The following SLIT3 variants were observed in gnomAD, a reference collection of about 807,000 sequenced individuals.
SLIT3 encodes slit guidance ligand 3.
A neutral mutation model predicts 184.0 loss-of-function variants in SLIT3; 68 were observed. The ratio of observed to expected loss-of-function variants is 0.37; its 90% confidence interval spans 0.30 to 0.45. The LOEUF (loss-of-function observed/expected upper bound fraction) is 0.45. SLIT3 is among the 20% of genes least tolerant of loss of function. The pLI is 1.00. For missense variants in SLIT3, 1,707 were observed against 2,026.0 expected (o/e 0.84, Z 3.02); for synonymous variants, 831 against 828.6 (o/e 1.00, Z -0.05).
At chr5:168,724,628 C>A in intron 20 of SLIT3, 144 bp from the exon 21 acceptor site, 1 of 501,374 alleles carries the variant, frequency 2.0e-6, no homozygotes. Flanking sequence ...CAAAGCATTA[C>A]TATATTTGTC....
chr5:168,684,864 A>C (rs1436052628), intron 31 of SLIT3, among the ~76,000 whole-genome samples: 1 of 152,248 alleles, frequency 6.6e-6, no homozygotes, highest in East Asian at 1.9e-4. Context: ...GGAATTAAAA[A>C]AAAAATTCCA....
intron 23 of SLIT3, among the ~76,000 whole-genome samples, chr5:168,713,883 G>T (rs1387413290): frequency 2.0e-5 from 3 of 152,194 alleles, no homozygotes; most frequent in Non-Finnish European, 4.4e-5. Context: ...TGATGCTGAC[G>T]CCAGTAGCAA....
At chr5:169,012,759 TTG>T (rs1293835771) in intron 4 of SLIT3, 1 of 152,124 alleles carries the variant, frequency 6.6e-6, no homozygotes, top group Non-Finnish European at 1.5e-5. Flanking sequence ...CTCTTCCCAT[TTG>T]TCTTATGATG....
At chr5:169,125,674 C>T (rs1761052921) in intron 4 of SLIT3, among the ~76,000 whole-genome samples, 2 of 152,290 alleles carry the variant, frequency 1.3e-5, no homozygotes, top group African/African-American at 4.8e-5. Context: ...GCTTGTTCTG[C>T]ACCCCTCTCC....
In SLIT3 at chr5:169,139,559, A is replaced by G. The variant is rs575821391; in HGVS notation, c.413+53920T>C. Among the ~76,000 whole-genome samples the G allele has an allele frequency of 1.4e-3, 219 of 152,256 alleles. 1 individual carries two copies. Among genetic ancestry groups the G allele is most frequent in the African/African-American group, 4.8e-3 (201 of 41,544 alleles). Reference sequence around the variant, plus strand: ...GATCCCAGCCCCACACTCAGCTACTAAGCTCTACTCCTTCCAGCACTAGCC... The same window carrying G: ...GATCCCAGCCCCACACTCAGCTACTGAGCTCTACTCCTTCCAGCACTAGCC... On this transcript the variant is annotated intron_variant, in intron 4 of 35. Transcript: ENST00000519560.
chr5:168,842,482 TTTTTTG>T (rs1365425474), intron 6 of SLIT3, among the ~76,000 whole-genome samples: 1 of 147,640 alleles, frequency 6.8e-6, no homozygotes, highest in African/African-American at 2.6e-5. Context: ...TTTTTTTTTT[TTTTTTG>T]TATCTGAGTA....
intron 35 of SLIT3, 158 bp from the exon 36 acceptor site, chr5:168,666,847 A>G (rs1169626848): frequency 4.8e-6 from 6 of 1,247,094 alleles, no homozygotes; most frequent in Non-Finnish European, 6.8e-6. Context: ...CCACCCATCT[A>G]TTTTACAAAC....
chr5:169,150,674 G>A (rs1211140515), intron 4 of SLIT3, among the ~76,000 whole-genome samples: 1 of 152,160 alleles, frequency 6.6e-6, no homozygotes, highest in Non-Finnish European at 1.5e-5. Context: ...TGACTTAAGA[G>A]TCAGGTAAAC....
chr5:168,762,243 C>T (rs1212191864), intron 15 of SLIT3, among the ~76,000 whole-genome samples: 6 of 152,332 alleles, frequency 3.9e-5, no homozygotes, highest in Admixed American at 2.6e-4. Flanking sequence ...TAAGGGTTGG[C>T]AGGGACTACC....
At chr5:168,938,252 CA>C (rs1331261853) in intron 4 of SLIT3, among the ~76,000 whole-genome samples, 2 of 152,058 alleles carry the variant, frequency 1.3e-5, no homozygotes, top group Admixed American at 1.3e-4. Context: ...CCATCCCCAC[CA>C]AAAAAATCCT....
chr5:168,837,898 G>A (rs147782564), intron 6 of SLIT3, among the ~76,000 whole-genome samples: 72 of 152,312 alleles, frequency 4.7e-4, no homozygotes, highest in Middle Eastern at 3.4e-3. Flanking sequence ...TGGTAAAGAT[G>A]AGCTGGAAGC....
chr5:169,097,771 A>G (rs760207039), intron 4 of SLIT3, among the ~76,000 whole-genome samples: 1 of 152,174 alleles, frequency 6.6e-6, no homozygotes, highest in South Asian at 2.1e-4. Flanking sequence ...GCCCCCCACC[A>G]CCCTGCAAAA....
At chr5:169,159,463 A>G (rs1210370536) in intron 4 of SLIT3, among the ~76,000 whole-genome samples, 1 of 150,688 alleles carries the variant, frequency 6.6e-6, no homozygotes, top group East Asian at 2.0e-4. Context: ...AAAAACAGAG[A>G]CTGGTAGATT....
chr5:169,104,186 G>A (rs540111672), intron 4 of SLIT3, among the ~76,000 whole-genome samples: 25 of 152,328 alleles, frequency 1.6e-4, no homozygotes, highest in African/African-American at 6.0e-4. Flanking sequence ...TTGATCTGAA[G>A]GTGGGTCCCT....
rs186054530 is a variant in SLIT3 at position 169,256,231 on chromosome 5, G to T, written c.198-4772C>A. On this transcript the variant is annotated intron_variant, in intron 1 of 35. Transcript: ENST00000519560. ...GGAGGCTGAGGTAGGAGGATTGCTTGAGCAATCCAGGAGTTCAAGACTGGA... is the reference window on the plus strand; with the variant it reads ...GGAGGCTGAGGTAGGAGGATTGCTTTAGCAATCCAGGAGTTCAAGACTGGA... Among the ~76,000 whole-genome samples, 735 of 152,252 alleles carry T rather than the reference G, an allele frequency of 4.8e-3. 3 individuals carry two copies. Among genetic ancestry groups the T allele is most frequent in the Middle Eastern group, 0.02 (6 of 294 alleles).
At chr5:169,163,937 C>T (rs1489193022) in intron 4 of SLIT3, among the ~76,000 whole-genome samples, 1 of 152,086 alleles carries the variant, frequency 6.6e-6, no homozygotes, top group Admixed American at 6.6e-5. Flanking sequence ...GCTTGCGGGC[C>T]CCCAGTGAGA....
chr5:169,059,972 C>A (rs1174952525), intron 4 of SLIT3, among the ~76,000 whole-genome samples: 3 of 152,226 alleles, frequency 2.0e-5, no homozygotes, highest in Admixed American at 6.5e-5. Flanking sequence ...CTAGAGAGCT[C>A]TTTCATCCTT....
intron 4 of SLIT3, among the ~76,000 whole-genome samples, chr5:169,128,844 G>A (rs1761179649): frequency 6.6e-6 from 1 of 152,086 alleles, no homozygotes; most frequent in Non-Finnish European, 1.5e-5. Flanking sequence ...AGTTCTCTCT[G>A]GTGACAGCAT....
intron 4 of SLIT3, among the ~76,000 whole-genome samples, chr5:169,166,174 G>A (rs569357184): frequency 6.6e-6 from 1 of 151,964 alleles, no homozygotes; most frequent in South Asian, 2.1e-4. Context: ...CTCCTCTTCT[G>A]GGGTCACTGC....
Sources: gnomAD v4.1 joint callset for allele counts (sites outside exome capture counted in the v4.1 genomes callset) on GRCh38, gnomAD v4.1.1 for gene constraint, MANE v1.5 for transcripts, NCBI Gene and HGNC (gene_info 2026-07-23, HGNC 2026-07-21) for gene names.